BRF1: variants seen among roughly 807,000 people sequenced by gnomAD.
BRF1 encodes the protein transcription factor IIIB 90 kDa subunit.
Under a neutral mutation model 81.7 loss-of-function variants are expected in BRF1, and 59 were observed. The ratio of observed to expected loss-of-function variants is 0.72; its 90% CI spans 0.59 to 0.90. BRF1 has a LOEUF of 0.90. Ranked by LOEUF, BRF1 falls within the 40% of genes least tolerant of loss-of-function variation. The pLI, the probability that BRF1 is intolerant of heterozygous loss-of-function variation, is 0.00. For synonymous variants in BRF1, 491 were observed against 395.6 expected, an observed-to-expected ratio of 1.24 and a Z score of -2.86; for missense variants, 1,050 against 936.3, an observed-to-expected ratio of 1.12 and a Z score of -1.58.
chr14:105,258,135 T>C (rs1364519533), intron 3 of BRF1, among the ~76,000 whole-genome samples: 2 of 151,882 alleles, frequency 1.3e-5, no homozygotes, highest in East Asian at 3.9e-4. Flanking sequence ...TTGAAGGGGG[T>C]GTATGGGAAC....
chr14:105,252,105 C>T (rs1327396193), intron 5 of BRF1, among the ~76,000 whole-genome samples: 4 of 152,324 alleles, frequency 2.6e-5, no homozygotes, highest in East Asian at 3.9e-4. Context: ...GCTCCCAGCA[C>T]GCAGCACTTG....
intron 15 of BRF1, 113 bp from the exon 16 acceptor site, chr14:105,212,277 C>A: frequency 7.3e-7 from 1 of 1,376,662 alleles, no homozygotes; most frequent in Non-Finnish European, 9.8e-7. Context: ...TTTCTCTGTC[C>A]CTTTGGAAGC....
At position 105,226,055 on chromosome 14, in the gene BRF1, CACAGTGG is replaced by C. The variant is rs1487436905; in HGVS notation, c.1048+7_1048+13del. On this transcript the variant is annotated splice_region_variant and intron_variant, in intron 10 of 17. Transcript: ENST00000547530. ...TTTAAAGGTCTGAATAGGGGCCGGG[CACAGTGG>C]ACTCACCATCTTTTGCCAGGCTGGC... 1 of 1,611,404 alleles carries C rather than the reference CACAGTGG, an allele frequency of 6.2e-7. No homozygotes were observed. Among genetic ancestry groups the C allele is most frequent in the South Asian group, 1.1e-5 (1 of 90,998 alleles).
chr14:105,275,862 G>T (rs587684941), intron 2 of BRF1, among the ~76,000 whole-genome samples: 1 of 152,380 alleles, frequency 6.6e-6, no homozygotes, highest in South Asian at 2.1e-4. Context: ...TTAAAAACCG[G>T]ACCCCAGAGA....
At chr14:105,314,286 GAC>G (rs1054059345) in intron 1 of BRF1, 1 of 151,848 alleles carries the variant, frequency 6.6e-6, no homozygotes, top group Non-Finnish European at 1.5e-5. Flanking sequence ...GGGGCGGGGA[GAC>G]TCGGGGCATG....
At chr14:105,241,184 G>T in intron 6 of BRF1, 81 bp downstream of exon 6, 1 of 1,567,744 alleles carries the variant, frequency 6.4e-7, no homozygotes, top group Non-Finnish European at 8.6e-7. Context: ...ATACGGCCCA[G>T]CCCACCAGCA....
chr14:105,263,857 G>A (rs1807220367), intron 3 of BRF1, among the ~76,000 whole-genome samples: 3 of 151,186 alleles, frequency 2.0e-5, no homozygotes, highest in Non-Finnish European at 3.0e-5. Flanking sequence ...CCTGGGAGGC[G>A]GAGCTTGCAG....
chr14:105,213,867 G>C (rs1890577823), intron 15 of BRF1, among the ~76,000 whole-genome samples: 2 of 152,172 alleles, frequency 1.3e-5, no homozygotes, highest in African/African-American at 4.8e-5. Context: ...GCTAGCTGGG[G>C]GCCTGTCTCA....
chr14:105,219,255 G>C (rs771936145), intron 12 of BRF1, 23 bp from the exon 13 acceptor site: 2 of 1,608,064 alleles, frequency 1.2e-6, no homozygotes, highest in South Asian at 2.2e-5. Context: ...AGGGAAGTGG[G>C]GCTGGCTTTT....
chr14:105,296,552 G>A (rs1291446378), intron 1 of BRF1, among the ~76,000 whole-genome samples: 8 of 151,416 alleles, frequency 5.3e-5, no homozygotes, highest in Admixed American at 5.3e-4. Flanking sequence ...GCGGTGGCGG[G>A]TGCCTGTGAT....
intron 6 of BRF1, among the ~76,000 whole-genome samples, chr14:105,229,415 G>A (rs978340467): frequency 2.0e-5 from 3 of 152,256 alleles, no homozygotes; most frequent in Non-Finnish European, 4.4e-5. Flanking sequence ...GCGCAGGGAT[G>A]CCGGTACCTG....
intron 4 of BRF1, among the ~76,000 whole-genome samples, chr14:105,253,409 C>T (rs1219495812): frequency 2.6e-5 from 4 of 152,222 alleles, no homozygotes; most frequent in Admixed American, 6.5e-5. Context: ...CTGGGGCCCC[C>T]GGGCCTCACA....
rs1040419996 is a variant in BRF1, at chr14:105,209,388, G to A, written c.*1163C>T. On this transcript the variant is annotated 3_prime_UTR_variant, in exon 18 of 18. Transcript: ENST00000547530. ...ACCCAGGCTGGCTACTGAGCTCTGGGCGGGGGTAGGGGGGTCTGGCCTGCT... is the reference window on the plus strand; with the variant it reads ...ACCCAGGCTGGCTACTGAGCTCTGGACGGGGGTAGGGGGGTCTGGCCTGCT... 6.3e-6 allele frequency: 4 copies of A among 631,112 alleles called. No homozygotes were observed. The highest frequency in any genetic ancestry group is 8.7e-6 in the Non-Finnish European group (3 of 346,418). The allele number at this position is 631,112 out of a possible 1,614,324, so 39.1% of individuals were successfully genotyped here.
intron 1 of BRF1, among the ~76,000 whole-genome samples, chr14:105,311,056 G>A (rs1259507383): frequency 1.1e-4 from 17 of 152,088 alleles, no homozygotes; most frequent in African/African-American, 3.9e-4. Context: ...GGGTTCAAGC[G>A]ATTCTCCTGC....
intron 3 of BRF1, 54 bp from the exon 4 acceptor site, chr14:105,256,603 C>A: frequency 1.2e-6 from 2 of 1,601,644 alleles, no homozygotes; most frequent in South Asian, 1.1e-5. Flanking sequence ...GGTTACTCGC[C>A]CACCTTCAAA....
chr14:105,229,061 C>A, intron 6 of BRF1, 148 bp from the exon 7 acceptor site: 1 of 729,706 alleles, frequency 1.4e-6, no homozygotes. Flanking sequence ...CCTCACTTGG[C>A]ATGGCTACTC....
intron 6 of BRF1, 44 bp from the exon 7 acceptor site, chr14:105,228,957 C>T (rs200409101): frequency 5.1e-5 from 81 of 1,581,788 alleles, no homozygotes; most frequent in Middle Eastern, 5.0e-4. Flanking sequence ...GGCTGGGAAC[C>T]AGGGCAACAT....
At chr14:105,219,905 G>C (rs1156579216) in intron 12 of BRF1, 164 bp downstream of exon 12, 4 of 732,300 alleles carry the variant, frequency 5.5e-6, no homozygotes, top group Middle Eastern at 3.3e-4. Flanking sequence ...AGAGTGTGGG[G>C]GGGGGTCCCG....
At chr14:105,250,666 T>C in intron 5 of BRF1, 2 of 1,604,318 alleles carry the variant, frequency 1.2e-6, no homozygotes, top group Non-Finnish European at 1.7e-6. Context: ...TCATTTTCTA[T>C]GCCTGAGGTG....
Sources: allele counts gnomAD v4.1 joint callset (sites outside exome capture counted in the v4.1 genomes callset), GRCh38; gene constraint gnomAD v4.1.1; transcripts MANE v1.5; gene names NCBI Gene and HGNC (gene_info 2026-07-23, HGNC 2026-07-21).